The following TBC1D1 variants were observed in gnomAD, a reference collection of about 807,000 sequenced individuals.
TBC1D1 encodes the protein TBC1 (tre-2/USP6, BUB2, cdc16) domain family, member 1.
A neutral mutation model predicts 125.6 loss-of-function variants in TBC1D1; 89 were observed. The observed-to-expected ratio is 0.71, with a 90% confidence interval of 0.60 to 0.85. The LOEUF (loss-of-function observed/expected upper bound fraction) is 0.85, where lower values mean the gene tolerates loss of function less well. Ranked by LOEUF, TBC1D1 falls within the 40% of genes least tolerant of loss-of-function variation. The pLI is 0.00. For missense variants in TBC1D1, 1,377 were observed against 1,469.2 expected, an observed-to-expected ratio of 0.94 and a Z score of 1.03; for synonymous variants, 565 against 564.1, an observed-to-expected ratio of 1.00 and a Z score of -0.02.
intron 2 of TBC1D1, among the ~76,000 whole-genome samples, chr4:37,984,856 G>A (rs144601881): frequency 1.3e-5 from 2 of 148,706 alleles, no homozygotes; most frequent in Admixed American, 6.7e-5. Flanking sequence ...AAAAAAAAAA[G>A]AAAATGTTAG....
chr4:37,967,884 G>A (rs1731351244), intron 2 of TBC1D1, among the ~76,000 whole-genome samples: 2 of 152,144 alleles, frequency 1.3e-5, no homozygotes, highest in Non-Finnish European at 2.9e-5. Flanking sequence ...AATTTTTACA[G>A]TGTTTTCTTT....
intron 2 of TBC1D1, among the ~76,000 whole-genome samples, chr4:37,917,791 T>C (rs1720049502): frequency 6.6e-6 from 1 of 152,246 alleles, no homozygotes; most frequent in Non-Finnish European, 1.5e-5. Context: ...ATAATTTAGC[T>C]AGTTCCTCTT....
chr4:38,109,256 C>T (rs1402465696), intron 15 of TBC1D1, among the ~76,000 whole-genome samples: 1 of 152,210 alleles, frequency 6.6e-6, no homozygotes, highest in Non-Finnish European at 1.5e-5. Context: ...CACCACCAGC[C>T]ACACACATTA....
At chr4:38,039,841 C>T (rs1292031318) in intron 8 of TBC1D1, among the ~76,000 whole-genome samples, 5 of 152,070 alleles carry the variant, frequency 3.3e-5, no homozygotes, top group African/African-American at 4.8e-5. Flanking sequence ...GGGCCAGGCA[C>T]GGTGGCTCAC....
At chr4:38,010,767 C>G (rs1374771088) in intron 2 of TBC1D1, among the ~76,000 whole-genome samples, 2 of 152,188 alleles carry the variant, frequency 1.3e-5, no homozygotes, top group African/African-American at 4.8e-5. Flanking sequence ...TTCCTCTCAG[C>G]CTTCAGTGCT....
At chr4:38,005,007 G>A (rs916120337) in intron 2 of TBC1D1, among the ~76,000 whole-genome samples, 1 of 151,784 alleles carries the variant, frequency 6.6e-6, no homozygotes, top group Non-Finnish European at 1.5e-5. Flanking sequence ...TGGCAGGGAG[G>A]GGGAGGGAGA....
chr4:38,083,327 A>G (rs934006032), intron 12 of TBC1D1, among the ~76,000 whole-genome samples: 1 of 152,226 alleles, frequency 6.6e-6, no homozygotes, highest in Admixed American at 6.5e-5. Flanking sequence ...TGTCTTCTAT[A>G]TTCAGGCGCA....
At chr4:38,013,015 A>AACCTCCTG (rs1285961064) in intron 2 of TBC1D1, among the ~76,000 whole-genome samples, 5 of 151,796 alleles carry the variant, frequency 3.3e-5, no homozygotes, top group Non-Finnish European at 7.4e-5. Context: ...GGCTGGTCTC[A>AACCTCCTG]ACCTCCTGAC....
In TBC1D1 at chr4:37,893,197, G is replaced by A. The variant is rs775689796; in HGVS notation, c.-94+1849G>A. ...AGGGAGGAGAGCAAGGGGCTCAAGA[G>A]GATTCTGTCTTTGAACATGCTTTTA... On this transcript the variant is annotated intron_variant, in intron 1 of 19. Transcript: ENST00000261439. Among the ~76,000 whole-genome samples, 7 of 152,188 alleles carry A rather than the reference G, an allele frequency of 4.6e-5. 1 individual carries two copies. Among genetic ancestry groups the A allele is most frequent in the Admixed American group, 4.6e-4 (7 of 15,262 alleles).
At chr4:38,015,595 C>T (rs1293756464) in intron 3 of TBC1D1, among the ~76,000 whole-genome samples, 1 of 152,066 alleles carries the variant, frequency 6.6e-6, no homozygotes, top group Non-Finnish European at 1.5e-5. Flanking sequence ...AATGGGTGTG[C>T]CCTCCCTGGG....
At chr4:37,940,094 A>G (rs1343102039) in intron 2 of TBC1D1, among the ~76,000 whole-genome samples, 2 of 152,198 alleles carry the variant, frequency 1.3e-5, no homozygotes, top group African/African-American at 4.8e-5. Flanking sequence ...ATGGCATTGA[A>G]TCTATAAATT....
chr4:38,094,380 A>G (rs1040864473), intron 13 of TBC1D1, among the ~76,000 whole-genome samples: 5 of 152,148 alleles, frequency 3.3e-5, no homozygotes, highest in African/African-American at 1.2e-4. Flanking sequence ...ATTTGATCTC[A>G]GTCAGTCCTC....
rs1158235204 is a variant in TBC1D1, at chr4:37,995,816, A to C, written c.418-18693A>C. The C allele has an allele frequency of 1.8e-6, 1 of 552,620 alleles. No homozygotes were observed. The highest frequency in any genetic ancestry group is 3.6e-6 in the Non-Finnish European group (1 of 276,668). 34.2% of individuals were successfully genotyped at this position (552,620 alleles called of 1,614,324 possible). A position where few individuals can be genotyped will look rare whatever the true frequency, so the allele number is the denominator to read the frequency against. On this transcript the variant is annotated intron_variant, in intron 2 of 19. Coordinates refer to ENST00000261439, the MANE Select transcript of TBC1D1 (RefSeq NM_015173.4). The surrounding 1 kb of genome is among the most constrained non-coding windows in gnomAD (Gnocchi z 4.3). The stretch of plus-strand genomic sequence containing the variant: ...GCTACCCCAAATCATTTGCATCCTC[A>C]GTCTTGGGGATCAGGTGCTGGATCC...
chr4:38,120,327 C>CT (rs1560263537), intron 17 of TBC1D1, among the ~76,000 whole-genome samples: 1 of 152,042 alleles, frequency 6.6e-6, no homozygotes, highest in South Asian at 2.1e-4. Flanking sequence ...GCAAGAACTG[C>CT]TTTTTTTTCC....
At chr4:38,008,905 T>C (rs1319001477) in intron 2 of TBC1D1, among the ~76,000 whole-genome samples, 1 of 152,208 alleles carries the variant, frequency 6.6e-6, no homozygotes, top group Admixed American at 6.5e-5. Flanking sequence ...GTCTTACTCA[T>C]TGTAGGAGGC....
chr4:38,028,030 G>A, intron 7 of TBC1D1, 151 bp downstream of exon 7: 1 of 513,446 alleles, frequency 1.9e-6, no homozygotes, highest in Non-Finnish European at 3.5e-6. Flanking sequence ...CCAATCTTTT[G>A]GCTTCCCTGG....
At chr4:37,917,348 G>A (rs548102490) in intron 2 of TBC1D1, among the ~76,000 whole-genome samples, 40 of 152,080 alleles carry the variant, frequency 2.6e-4, no homozygotes, top group African/African-American at 8.4e-4. Flanking sequence ...GGTGGCAGGC[G>A]CCTGTAATCC....
At chr4:38,047,355 T>C (rs1578417553) in intron 10 of TBC1D1, among the ~76,000 whole-genome samples, 2 of 152,166 alleles carry the variant, frequency 1.3e-5, no homozygotes, top group Middle Eastern at 3.2e-3. Context: ...AGCCCTGAAA[T>C]GCTGCATTTC....
intron 11 of TBC1D1, 113 bp downstream of exon 12, chr4:38,052,173 G>A (rs1331009285): frequency 1.2e-5 from 4 of 327,200 alleles, no homozygotes; most frequent in Admixed American, 5.5e-5. Flanking sequence ...GCCACTGTGT[G>A]TGTGTGTGTG....
Sources: allele counts gnomAD v4.1 joint callset (sites outside exome capture counted in the v4.1 genomes callset), GRCh38; gene constraint gnomAD v4.1.1; non-coding constraint Gnocchi (gnomAD v3.1); transcripts MANE v1.5; gene names NCBI Gene and HGNC (gene_info 2026-07-23, HGNC 2026-07-21).